Variants in LMX1A observed in about 807,000 individuals in gnomAD.
LMX1A encodes LIM homeobox transcription factor 1-alpha.
A neutral mutation model predicts 49.1 loss-of-function variants in LMX1A; 15 were observed. The ratio of observed to expected loss-of-function variants is 0.31; its 90% CI spans 0.20 to 0.47. The LOEUF (loss-of-function observed/expected upper bound fraction) is 0.47, where lower values mean the gene tolerates loss of function less well. Ranked by LOEUF, LMX1A falls within the 20% of genes least tolerant of loss-of-function variation. The pLI is 1.00. For synonymous variants in LMX1A, 167 were observed against 185.7 expected (o/e 0.90, Z 0.82); for missense variants, 372 against 475.8 (o/e 0.78, Z 2.03).
At chr1:165,341,918 A>C (rs1211269709) in intron 3 of LMX1A, among the ~76,000 whole-genome samples, 1 of 152,228 alleles carries the variant, frequency 6.6e-6, no homozygotes, top group Non-Finnish European at 1.5e-5. Context: ...GAGTCTGTTT[A>C]ACTCTAAATT....
intron 3 of LMX1A, among the ~76,000 whole-genome samples, chr1:165,345,220 A>G (rs948860931): frequency 6.6e-6 from 1 of 152,114 alleles, no homozygotes; most frequent in Admixed American, 6.5e-5. Context: ...CTGAGGCTTG[A>G]TAGGGAGGAG....
At chr1:165,221,939 A>G (rs978598386) in intron 4 of LMX1A, among the ~76,000 whole-genome samples, 6 of 125,142 alleles carry the variant, frequency 4.8e-5, no homozygotes, top group African/African-American at 1.3e-4. Flanking sequence ...ACACACACAC[A>G]CACACGCACA....
chr1:165,347,096 A>C (rs1656269662), intron 3 of LMX1A, among the ~76,000 whole-genome samples: 1 of 152,226 alleles, frequency 6.6e-6, no homozygotes, highest in Non-Finnish European at 1.5e-5. Context: ...ATATCATGCT[A>C]GTCAAAGGAG....
chr1:165,291,634 T>A (rs1318529201), intron 3 of LMX1A, among the ~76,000 whole-genome samples: 1 of 152,236 alleles, frequency 6.6e-6, no homozygotes, highest in Non-Finnish European at 1.5e-5. Context: ...ATTCTTCATT[T>A]CAACCCTGAG....
intron 3 of LMX1A, among the ~76,000 whole-genome samples, chr1:165,264,272 C>T (rs1271389622): frequency 6.6e-6 from 1 of 152,078 alleles, no homozygotes; most frequent in Admixed American, 6.5e-5. Flanking sequence ...GCTCTGCTCC[C>T]CATACCCAGC....
At chr1:165,214,614 G>T (rs977116125) in intron 4 of LMX1A, among the ~76,000 whole-genome samples, 2 of 152,292 alleles carry the variant, frequency 1.3e-5, no homozygotes, top group Middle Eastern at 3.4e-3. Context: ...TTATTTCTTA[G>T]ATGTCATTTT....
chr1:165,299,486 A>G (rs1654713116), intron 3 of LMX1A, among the ~76,000 whole-genome samples: 1 of 152,218 alleles, frequency 6.6e-6, no homozygotes, highest in African/African-American at 2.4e-5. Context: ...GAAAGATATC[A>G]TTATTGAACA....
intron 4 of LMX1A, among the ~76,000 whole-genome samples, chr1:165,239,500 C>T (rs540079986): frequency 7.6e-4 from 115 of 152,254 alleles, no homozygotes; most frequent in African/African-American, 2.7e-3. Flanking sequence ...GAAGACAAAA[C>T]AAATACACTA....
chr1:165,296,790 T>C (rs1654633075), intron 3 of LMX1A, among the ~76,000 whole-genome samples: 1 of 152,254 alleles, frequency 6.6e-6, no homozygotes, highest in Non-Finnish European at 1.5e-5. Flanking sequence ...GCAAGCAATG[T>C]ATTTTTATAT....
intron 3 of LMX1A, among the ~76,000 whole-genome samples, chr1:165,324,566 A>C (rs562193400): frequency 6.6e-6 from 1 of 152,236 alleles, no homozygotes; most frequent in South Asian, 2.1e-4. Flanking sequence ...GTAAAGCAAA[A>C]CCACCAGAGA....
Position 165,290,276 on chromosome 1 carries a change from G to A in LMX1A, c.264-40636C>T, listed in dbSNP as rs190674611. ...TCTAGAGACCAGAAGTTCAAAATCC[G>A]TTTCACTAGGCTGAAACAAAGATAT... On this transcript the variant is annotated intron_variant, in intron 3 of 8. Coordinates refer to ENST00000342310, the MANE Select transcript of LMX1A (RefSeq NM_177398.4). 3.3e-3 allele frequency among the ~76,000 whole-genome samples: 502 copies of A among 152,312 alleles called. 3 individuals are homozygous for A. Among genetic ancestry groups the A allele is most frequent in the Non-Finnish European group, 5.0e-3 (342 of 68,028 alleles).
In LMX1A at chr1:165,213,683, T is replaced by A. The variant is rs1651521392; in HGVS notation, c.627A>T (p.Ala209=). The A allele has an allele frequency of 6.2e-7, 1 of 1,614,222 alleles. No homozygotes were observed. Among genetic ancestry groups the A allele is most frequent in the Admixed American group, 1.7e-5 (1 of 60,036 alleles). ...RTILTTQQRR[A]FKASFEVSSK... is the part of the protein sequence containing the mutation. ...AGGATACTTCAAATGAGGCCTTGAA[T>A]GCTCGCCTCTGTTGAGTTGTCAAGA... Residue 209 remains alanine (A), a synonymous_variant, in exon 5 of 9, where the codon GCA becomes GCT. Transcript: ENST00000342310.
intron 3 of LMX1A, among the ~76,000 whole-genome samples, chr1:165,279,730 T>C (rs1272186611): frequency 6.6e-6 from 1 of 152,230 alleles, no homozygotes; most frequent in Non-Finnish European, 1.5e-5. Context: ...ATTTGTATTA[T>C]TAGTTCCAAC....
intron 4 of LMX1A, among the ~76,000 whole-genome samples, chr1:165,246,737 C>T (rs1302644025): frequency 6.6e-6 from 1 of 152,224 alleles, no homozygotes; most frequent in Non-Finnish European, 1.5e-5. Flanking sequence ...TCAGTCTTGA[C>T]TTCTTTATCC....
At chr1:165,254,612 C>T (rs1653170474) in intron 3 of LMX1A, among the ~76,000 whole-genome samples, 1 of 152,186 alleles carries the variant, frequency 6.6e-6, no homozygotes. Context: ...GCTGACTGTA[C>T]ACCTCCCACA....
intron 5 of LMX1A, among the ~76,000 whole-genome samples, chr1:165,211,632 T>A (rs187873769): frequency 5.1e-4 from 77 of 152,294 alleles, no homozygotes; most frequent in African/African-American, 1.8e-3. Flanking sequence ...CCCTTTATCA[T>A]GCCACTTGGG....
At chr1:165,270,300 C>A (rs1336140045) in intron 3 of LMX1A, among the ~76,000 whole-genome samples, 2 of 152,126 alleles carry the variant, frequency 1.3e-5, no homozygotes, top group Non-Finnish European at 2.9e-5. Context: ...AAGACTCATA[C>A]CCCCCATAAA....
rs114580073 is a variant in LMX1A, at chr1:165,343,793, C to T, written c.263+9283G>A. The stretch of plus-strand genomic sequence containing the variant: ...TATAGATAAACAGGGAAGCCTCCTA[C>T]AAAGTGTTATTTGCACAAAATTATG... On this transcript the variant is annotated intron_variant, in intron 3 of 8. Coordinates refer to ENST00000342310, the MANE Select transcript of LMX1A (RefSeq NM_177398.4). Among the ~76,000 whole-genome samples, 91 of 152,304 alleles carry T rather than the reference C, an allele frequency of 6.0e-4. 1 individual carries two copies. Among genetic ancestry groups the T allele is most frequent in the South Asian group, 8.3e-4 (4 of 4,830 alleles).
chr1:165,238,279 A>G (rs1403470378), intron 4 of LMX1A, among the ~76,000 whole-genome samples: 1 of 152,200 alleles, frequency 6.6e-6, no homozygotes, highest in Non-Finnish European at 1.5e-5. Context: ...CATTTGATTG[A>G]TGGGGGCTGT....
Sources: gnomAD v4.1 joint callset for allele counts (sites outside exome capture counted in the v4.1 genomes callset) on GRCh38, gnomAD v4.1.1 for gene constraint, MANE v1.5 for transcripts, NCBI Gene and HGNC (gene_info 2026-07-23, HGNC 2026-07-21) for gene names.